Variants in HS3ST3A1 observed in about 807,000 individuals in gnomAD.
HS3ST3A1 encodes heparan sulfate glucosamine 3-O-sulfotransferase 3A1.
In HS3ST3A1, 19 loss-of-function variants were observed where a neutral mutation model predicts 25.7. The observed-to-expected ratio is 0.74, with a 90% CI of 0.52 to 1.08. The LOEUF is 1.08. Ranked by LOEUF, HS3ST3A1 falls within the 50% of genes least tolerant of loss-of-function variation. The pLI is 0.00. For missense variants in HS3ST3A1, 459 were observed against 594.3 expected (o/e 0.77, Z 2.37); for synonymous variants, 226 against 278.6 (o/e 0.81, Z 1.88).
chr17:13,567,606 A>T (rs941506184), intron 1 of HS3ST3A1, among the ~76,000 whole-genome samples: 2 of 152,240 alleles, frequency 1.3e-5, no homozygotes, highest in African/African-American at 4.8e-5. Flanking sequence ...AAATATCAAC[A>T]CAAACAGGAG....
At chr17:13,522,551 A>G (rs966802727) in intron 1 of HS3ST3A1, among the ~76,000 whole-genome samples, 3 of 152,180 alleles carry the variant, frequency 2.0e-5, no homozygotes, top group African/African-American at 7.2e-5. Flanking sequence ...GGAAATAGCA[A>G]AATATGTGCA....
At chr17:13,552,460 G>A (rs781670471) in intron 1 of HS3ST3A1, among the ~76,000 whole-genome samples, 4 of 152,126 alleles carry the variant, frequency 2.6e-5, no homozygotes, top group Middle Eastern at 3.2e-3. Context: ...GGCAAAATAC[G>A]ATTCCAGTGT....
chr17:13,499,475 A>T (rs1368293052), intron 1 of HS3ST3A1, among the ~76,000 whole-genome samples: 1 of 152,208 alleles, frequency 6.6e-6, no homozygotes, highest in Non-Finnish European at 1.5e-5. Flanking sequence ...AGCCATCATT[A>T]CTTTCTCTTT....
chr17:13,590,213 TGTAA>T (rs1211067689), intron 1 of HS3ST3A1, among the ~76,000 whole-genome samples: 3 of 151,972 alleles, frequency 2.0e-5, no homozygotes, highest in Non-Finnish European at 4.4e-5. Context: ...TTACCATACC[TGTAA>T]GTATCAAAAT....
intron 1 of HS3ST3A1, among the ~76,000 whole-genome samples, chr17:13,558,284 G>A (rs2142362622): frequency 6.6e-6 from 1 of 151,772 alleles, no homozygotes; most frequent in East Asian, 1.9e-4. Context: ...GTGAGACACT[G>A]TCTCTAAAAC....
At chr17:13,532,428 C>A (rs916271177) in intron 1 of HS3ST3A1, among the ~76,000 whole-genome samples, 1 of 151,974 alleles carries the variant, frequency 6.6e-6, no homozygotes, top group Non-Finnish European at 1.5e-5. Context: ...GGGTCAGAAG[C>A]AAATTTCAAA....
intron 1 of HS3ST3A1, among the ~76,000 whole-genome samples, chr17:13,514,236 T>C (rs555006848): frequency 6.6e-6 from 1 of 152,176 alleles, no homozygotes; most frequent in Non-Finnish European, 1.5e-5. Context: ...TTGTTTCTTT[T>C]TTTATTTATA....
At chr17:13,506,048 T>G (rs1045450675) in intron 1 of HS3ST3A1, among the ~76,000 whole-genome samples, 1 of 147,050 alleles carries the variant, frequency 6.8e-6, no homozygotes, top group Non-Finnish European at 1.5e-5. Flanking sequence ...AAAAAAAAAT[T>G]GGATTTCTGT....
intron 1 of HS3ST3A1, among the ~76,000 whole-genome samples, chr17:13,587,567 G>C (rs956815787): frequency 9.2e-5 from 14 of 152,124 alleles, no homozygotes; most frequent in Non-Finnish European, 2.1e-4. Context: ...TTTCAGTGCA[G>C]AAGTCAGGTG....
intron 1 of HS3ST3A1, among the ~76,000 whole-genome samples, chr17:13,558,990 G>A (rs535143892): frequency 1.3e-5 from 2 of 152,322 alleles, no homozygotes; most frequent in South Asian, 2.1e-4. Flanking sequence ...CCACTTAGCA[G>A]TGATGTGGCC....
intron 1 of HS3ST3A1, among the ~76,000 whole-genome samples, chr17:13,581,902 C>T (rs780508173): frequency 4.6e-5 from 7 of 152,088 alleles, no homozygotes; most frequent in Non-Finnish European, 7.4e-5. Flanking sequence ...CCCAGGGGGT[C>T]GCCCTTTAAC....
At chr17:13,583,165 G>T (rs1312778201) in intron 1 of HS3ST3A1, among the ~76,000 whole-genome samples, 1 of 152,180 alleles carries the variant, frequency 6.6e-6, no homozygotes, top group African/African-American at 2.4e-5. Context: ...AGTCTTCAGA[G>T]TTATTCCTTG....
intron 1 of HS3ST3A1, among the ~76,000 whole-genome samples, chr17:13,524,860 A>C (rs1567614075): frequency 2.0e-5 from 3 of 152,324 alleles, no homozygotes; most frequent in South Asian, 4.1e-4. Flanking sequence ...TTGCATTTCT[A>C]ACAGCTTTCA....
At chr17:13,572,725 A>G (rs755634635) in intron 1 of HS3ST3A1, among the ~76,000 whole-genome samples, 1 of 152,218 alleles carries the variant, frequency 6.6e-6, no homozygotes, top group Non-Finnish European at 1.5e-5. Context: ...GATTAAGTAG[A>G]CGGGGAATTC....
chr17:13,516,862 A>G (rs1321465472), intron 1 of HS3ST3A1, among the ~76,000 whole-genome samples: 2 of 151,978 alleles, frequency 1.3e-5, no homozygotes, highest in Admixed American at 6.6e-5. Context: ...AATTTTTTAT[A>G]TTTTTAGTAG....
intron 1 of HS3ST3A1, among the ~76,000 whole-genome samples, chr17:13,584,178 A>C (rs960192420): frequency 6.6e-6 from 1 of 152,210 alleles, no homozygotes; most frequent in African/African-American, 2.4e-5. Context: ...TCATTCTCTG[A>C]TGAAATCTTC....
At chr17:13,517,045 A>G (rs1357088362) in intron 1 of HS3ST3A1, among the ~76,000 whole-genome samples, 1 of 152,200 alleles carries the variant, frequency 6.6e-6, no homozygotes, top group Admixed American at 6.5e-5. Flanking sequence ...TGAACTTACA[A>G]TAAGTGTATG....
chr17:13,526,677 C>A (rs902201009), intron 1 of HS3ST3A1, among the ~76,000 whole-genome samples: 3 of 151,220 alleles, frequency 2.0e-5, no homozygotes, highest in Admixed American at 6.6e-5. Flanking sequence ...GACAGAGTTT[C>A]GCTCTTGTTG....
intron 1 of HS3ST3A1, among the ~76,000 whole-genome samples, chr17:13,500,975 G>A (rs1905455266): frequency 6.6e-6 from 1 of 152,200 alleles, no homozygotes; most frequent in Admixed American, 6.5e-5. Context: ...GATGAACCCT[G>A]GGGACATTAT....
Sources: allele counts gnomAD v4.1 joint callset (sites outside exome capture counted in the v4.1 genomes callset), GRCh38; gene constraint gnomAD v4.1.1; transcripts MANE v1.5; gene names NCBI Gene and HGNC (gene_info 2026-07-23, HGNC 2026-07-21).